The following TBXAS1 variants were observed in gnomAD, a reference collection of about 807,000 sequenced individuals.
The protein encoded by TBXAS1 is thromboxane-A synthase.
In TBXAS1, 48 loss-of-function variants were observed where a neutral mutation model predicts 60.7. That is an observed-to-expected ratio of 0.79 (90% CI 0.63 to 1.01). The LOEUF is 1.01. Among genes scored for constraint, TBXAS1 ranks in the 50% least tolerant of loss-of-function variants. TBXAS1 has a pLI of 0.00. For missense variants in TBXAS1, 685 were observed against 686.3 expected (o/e 1.00, Z 0.02); for synonymous variants, 287 against 269.7 (o/e 1.06, Z -0.63).
At chr7:139,887,993 C>CT (rs558015652) in intron 3 of TBXAS1, among the ~76,000 whole-genome samples, 53 of 152,178 alleles carry the variant, frequency 3.5e-4, no homozygotes, top group Non-Finnish European at 6.0e-4. Context: ...TTACACTTCC[C>CT]TTTGTGCCCT....
At chr7:139,873,962 G>C (rs1327729003) in intron 2 of TBXAS1, among the ~76,000 whole-genome samples, 2 of 152,108 alleles carry the variant, frequency 1.3e-5, no homozygotes, top group African/African-American at 4.8e-5. Flanking sequence ...CCTCCGGAAA[G>C]GCTGGCCCTT....
intron 3 of TBXAS1, among the ~76,000 whole-genome samples, chr7:139,906,888 C>T (rs1352076796): frequency 6.6e-6 from 1 of 152,114 alleles, no homozygotes; most frequent in Non-Finnish European, 1.5e-5. Flanking sequence ...GTATGTTGAT[C>T]TGGAATCCTG....
chr7:139,846,037 G>C (rs1254271217), intron 1 of TBXAS1, among the ~76,000 whole-genome samples: 1 of 151,870 alleles, frequency 6.6e-6, no homozygotes, highest in African/African-American at 2.4e-5. Flanking sequence ...TGTTGCCCAG[G>C]CTGGGAACTC....
chr7:139,837,153 A>G (rs1431394827), intron 1 of TBXAS1, among the ~76,000 whole-genome samples: 3 of 152,224 alleles, frequency 2.0e-5, no homozygotes, highest in African/African-American at 7.2e-5. Flanking sequence ...AAAATAAGAA[A>G]ACAGTAGATG....
intron 5 of TBXAS1, among the ~76,000 whole-genome samples, chr7:139,946,807 A>G (rs1004185609): frequency 1.3e-5 from 2 of 152,232 alleles, no homozygotes; most frequent in Non-Finnish European, 2.9e-5. Flanking sequence ...ATGAGGAACT[A>G]GACTCAGTGA....
chr7:139,947,656 G>C (rs1485202177), intron 5 of TBXAS1, among the ~76,000 whole-genome samples: 1 of 152,184 alleles, frequency 6.6e-6, no homozygotes, highest in African/African-American at 2.4e-5. Context: ...CCCAGGGTGG[G>C]GATGGTGATT....
At chr7:139,921,848 C>G (rs757765107) in intron 4 of TBXAS1, among the ~76,000 whole-genome samples, 12 of 152,286 alleles carry the variant, frequency 7.9e-5, no homozygotes, top group Non-Finnish European at 4.4e-5. Context: ...CACCTAGGAG[C>G]AGCATCGCTA....
intron 9 of TBXAS1, among the ~76,000 whole-genome samples, chr7:139,993,892 C>CTTTTTTT (rs71170931): frequency 1.5e-4 from 17 of 111,708 alleles, no homozygotes; most frequent in Admixed American, 2.0e-4. Context: ...TTCTTTCTTT[C>CTTTTTTT]TTTTTTTTTT....
At chr7:139,807,762 C>T (rs553112434) in intron 4 of TBXAS1, among the ~76,000 whole-genome samples, 31 of 152,214 alleles carry the variant, frequency 2.0e-4, no homozygotes, top group South Asian at 2.1e-4. Flanking sequence ...AAGCGATCCT[C>T]GTGCCTAAAC....
intron 1 of TBXAS1, among the ~76,000 whole-genome samples, chr7:139,867,826 TAATAAATAAATA>T (rs55731121): frequency 3.2e-4 from 47 of 146,954 alleles, no homozygotes; most frequent in East Asian, 4.0e-4. Context: ...CGAAAATAAA[TAATAAATAAATA>T]AATAAATAAA....
chr7:139,977,814 C>T (rs1811673286), intron 9 of TBXAS1, among the ~76,000 whole-genome samples: 1 of 152,186 alleles, frequency 6.6e-6, no homozygotes. Flanking sequence ...TAACAGTAAA[C>T]ATTTATGGAG....
chr7:139,819,561 G>T (rs1798240332), intron 4 of TBXAS1, among the ~76,000 whole-genome samples: 1 of 152,144 alleles, frequency 6.6e-6, no homozygotes, highest in Admixed American at 6.5e-5. Flanking sequence ...GGAGTGCAGT[G>T]GCACTATCTT....
intron 1 of TBXAS1, among the ~76,000 whole-genome samples, chr7:139,870,657 T>C (rs1421526913): frequency 6.6e-6 from 1 of 152,242 alleles, no homozygotes; most frequent in Non-Finnish European, 1.5e-5. Flanking sequence ...CACTTGAACA[T>C]GGACCTAAAT....
At chr7:139,967,626 C>T (rs374074105) in intron 9 of TBXAS1, among the ~76,000 whole-genome samples, 43 of 152,290 alleles carry the variant, frequency 2.8e-4, no homozygotes, top group African/African-American at 9.6e-4. Flanking sequence ...AATATGATCC[C>T]CTGATTGGCT....
chr7:139,893,168 A>T (rs1263200942), intron 3 of TBXAS1, among the ~76,000 whole-genome samples: 1 of 152,080 alleles, frequency 6.6e-6, no homozygotes, highest in Non-Finnish European at 1.5e-5. Flanking sequence ...TTCCCATGGC[A>T]CTGGGCTTCC....
At chr7:139,903,117 C>T (rs966570395) in intron 3 of TBXAS1, among the ~76,000 whole-genome samples, 1 of 152,012 alleles carries the variant, frequency 6.6e-6, no homozygotes, top group Non-Finnish European at 1.5e-5. Context: ...ACCCCCAAGT[C>T]CCCAAAGTCC....
rs575866196 is a variant in TBXAS1, at chr7:140,013,616, T to C, written c.1227-2107T>C. 6.6e-6 allele frequency among the ~76,000 whole-genome samples: 1 copy of C among 152,304 alleles called. No homozygotes were observed. Among genetic ancestry groups the C allele is most frequent in the African/African-American group, 2.4e-5 (1 of 41,574 alleles). ...CAGGAACGGCTCTCACTGGCAGGCC[T>C]CACGGAGGAGACCCAAGCTGGGGGA... On this transcript the variant is annotated intron_variant, in intron 10 of 12. Coordinates refer to ENST00000448866, the MANE Select transcript of TBXAS1 (RefSeq NM_001061.7). The surrounding 1 kb of genome is among the most constrained non-coding windows in gnomAD (Gnocchi z 4.2).
chr7:139,849,322 T>C (rs1022674827), intron 1 of TBXAS1, among the ~76,000 whole-genome samples: 2 of 151,844 alleles, frequency 1.3e-5, no homozygotes, highest in East Asian at 3.9e-4. Flanking sequence ...GATGTTGTAG[T>C]GAGCCAAGAT....
At chr7:139,901,183 G>C (rs1397664950) in intron 3 of TBXAS1, among the ~76,000 whole-genome samples, 1 of 152,148 alleles carries the variant, frequency 6.6e-6, no homozygotes, top group Admixed American at 6.5e-5. Flanking sequence ...CTACAGATGA[G>C]AGTTTTTGTA....
Sources: gnomAD v4.1 joint callset for allele counts (sites outside exome capture counted in the v4.1 genomes callset) on GRCh38, gnomAD v4.1.1 for gene constraint, Gnocchi (gnomAD v3.1) non-coding constraint, MANE v1.5 for transcripts, NCBI Gene and HGNC (gene_info 2026-07-23, HGNC 2026-07-21) for gene names.